Variants in RAP1GAP observed in about 807,000 individuals in gnomAD.
RAP1GAP encodes rap1 GTPase-activating protein 1.
Under a neutral mutation model 87.2 loss-of-function variants are expected in RAP1GAP, and 35 were observed. That is an observed-to-expected ratio of 0.40 (90% CI 0.31 to 0.53). The LOEUF (loss-of-function observed/expected upper bound fraction) is 0.53. Among genes scored for constraint, RAP1GAP ranks in the 20% least tolerant of loss-of-function variants. The probability of loss-of-function intolerance (pLI) is 0.48; values close to 1 mark genes in which losing one functional copy is unlikely to be tolerated. For synonymous variants in RAP1GAP, 375 were observed against 363.9 expected (o/e 1.03, Z -0.35); for missense variants, 734 against 898.9 (o/e 0.82, Z 2.35).
At chr1:21,597,394 C>T (rs1645678992) in intron 24 of RAP1GAP, 130 bp from the exon 25 acceptor site, 1 of 327,900 alleles carries the variant, frequency 3.0e-6, no homozygotes, top group African/African-American at 2.1e-5. Context: ...CCTTGGAATT[C>T]CAGGCTCCAG....
rs2078339392 is a variant in RAP1GAP, at chr1:21,611,592, GC to G, written c.714-12del. The G allele has an allele frequency of 6.2e-7, 1 of 1,613,966 alleles. No individual in the cohort carries two copies. Among genetic ancestry groups the G allele is most frequent in the Non-Finnish European group, 8.5e-7 (1 of 1,179,964 alleles). Reference sequence around the variant, plus strand: ...AGGCCTCCTCGGAACCTGCCCCGGGGCCCCCCAGGCCACGCCTCAGTCTCCA... The same window carrying G: ...AGGCCTCCTCGGAACCTGCCCCGGGGCCCCCAGGCCACGCCTCAGTCTCCA... On this transcript the variant is annotated splice_polypyrimidine_tract_variant and intron_variant, in intron 12 of 24. Coordinates refer to ENST00000374765, the MANE Select transcript of RAP1GAP (RefSeq NM_002885.4).
At chr1:21,607,176 A>C (rs1259021934) in intron 17 of RAP1GAP, among the ~76,000 whole-genome samples, 1 of 152,172 alleles carries the variant, frequency 6.6e-6, no homozygotes, top group Non-Finnish European at 1.5e-5. Flanking sequence ...AGACGGTGGC[A>C]AAAAGGCTAC....
At chr1:21,661,867 A>G (rs1292408951) in intron 1 of RAP1GAP, among the ~76,000 whole-genome samples, 1 of 152,212 alleles carries the variant, frequency 6.6e-6, no homozygotes, top group Non-Finnish European at 1.5e-5. Context: ...AGGCCCCTCC[A>G]AGGGCCCTTC....
chr1:21,665,194 G>A (rs1452450007), intron 1 of RAP1GAP: 1 of 502,104 alleles, frequency 2.0e-6, no homozygotes. Context: ...CAGACTCAGA[G>A]GGAGAGAGGA....
At chr1:21,643,595 A>G (rs1004202873) in intron 2 of RAP1GAP, among the ~76,000 whole-genome samples, 33 of 151,624 alleles carry the variant, frequency 2.2e-4, no homozygotes, top group African/African-American at 7.0e-4. Flanking sequence ...AAAAAAGAAA[A>G]TCCCCTCCTT....
chr1:21,603,195 C>A lies in RAP1GAP; in HGVS notation c.1429-282G>T. On this transcript the variant is annotated intron_variant, in intron 18 of 24. Coordinates refer to ENST00000374765, the MANE Select transcript of RAP1GAP (RefSeq NM_002885.4). The surrounding 1 kb of genome is among the most constrained non-coding windows in gnomAD (Gnocchi z 6.0). Reference sequence around the variant, plus strand: ...TGAGGGGGCTAGGGTGGGAGGAGGCCGAGTCCTCAGAATGGCTACCGCTCC... The same window carrying A: ...TGAGGGGGCTAGGGTGGGAGGAGGCAGAGTCCTCAGAATGGCTACCGCTCC... 4.5e-6 allele frequency: 2 copies of A among 442,276 alleles called. No homozygotes were observed. The highest frequency in any genetic ancestry group is 8.1e-6 in the Non-Finnish European group (2 of 246,490). 27.4% of individuals were successfully genotyped at this position (442,276 alleles called of 1,614,324 possible).
chr1:21,656,528 G>A (rs2096874307), intron 1 of RAP1GAP, among the ~76,000 whole-genome samples: 1 of 150,572 alleles, frequency 6.6e-6, no homozygotes, highest in African/African-American at 2.5e-5. Flanking sequence ...TCCTTACTTT[G>A]CCTGTGGCCT....
At position 21,622,537 on chromosome 1, in the gene RAP1GAP, G is replaced by A. The variant is rs2089100591; in HGVS notation, c.-18-2487C>T. The A allele has an allele frequency of 6.8e-6, 1 of 148,084 alleles. No homozygotes were observed. The highest frequency in any genetic ancestry group is 6.7e-5 in the Admixed American group (1 of 14,822). The allele number at this position is 148,084 out of a possible 1,614,324, so 9.2% of individuals were successfully genotyped here. ...GAGCTCCGCGCTCCCGGCTCCCGGCGGCGGCGCTGCCTGCGATGGGCTCGC... is the reference window on the plus strand; with the variant it reads ...GAGCTCCGCGCTCCCGGCTCCCGGCAGCGGCGCTGCCTGCGATGGGCTCGC... On this transcript the variant is annotated intron_variant, in intron 3 of 24. Coordinates refer to ENST00000374765, the MANE Select transcript of RAP1GAP (RefSeq NM_002885.4). This position sits in a 1 kb window ranked among gnomAD's most constrained non-coding sequence, Gnocchi z 5.7.
At chr1:21,649,333 C>T (rs188265153) in intron 2 of RAP1GAP, among the ~76,000 whole-genome samples, 13 of 151,628 alleles carry the variant, frequency 8.6e-5, no homozygotes, top group Non-Finnish European at 1.5e-4. Context: ...CCCAGCCCAG[C>T]GAGGGGCCAC....
chr1:21,655,815 G>A (rs2096836206), intron 1 of RAP1GAP, among the ~76,000 whole-genome samples: 1 of 152,234 alleles, frequency 6.6e-6, no homozygotes, highest in African/African-American at 2.4e-5. Flanking sequence ...AACTCTGGGT[G>A]TTCCACCTAC....
intron 1 of RAP1GAP, among the ~76,000 whole-genome samples, chr1:21,650,233 C>T (rs1377615162): frequency 6.6e-6 from 1 of 152,040 alleles, no homozygotes; most frequent in Admixed American, 6.5e-5. Context: ...CCCCAAGGCC[C>T]GTAGCCTGCC....
At chr1:21,614,112 G>C in intron 7 of RAP1GAP, 23 bp from the exon 8 acceptor site, 2 of 1,514,778 alleles carry the variant, frequency 1.3e-6, no homozygotes, top group African/African-American at 1.4e-5. Flanking sequence ...GTGGGGGCCA[G>C]GGGAGTGGGT....
intron 1 of RAP1GAP, among the ~76,000 whole-genome samples, chr1:21,658,571 C>T (rs570381023): frequency 6.7e-6 from 1 of 150,222 alleles, no homozygotes; most frequent in Admixed American, 6.6e-5. Flanking sequence ...TCTCAAAAAA[C>T]AAAAACAAAA....
intron 2 of RAP1GAP, among the ~76,000 whole-genome samples, chr1:21,643,135 C>A (rs532651863): frequency 2.0e-5 from 3 of 152,216 alleles, no homozygotes; most frequent in Non-Finnish European, 4.4e-5. Context: ...AAGTCCCCAA[C>A]GCCCAGCACA....
intron 1 of RAP1GAP, among the ~76,000 whole-genome samples, chr1:21,651,231 C>T (rs1201374076): frequency 6.6e-6 from 1 of 152,194 alleles, no homozygotes; most frequent in South Asian, 2.1e-4. Context: ...AGCCAGGATG[C>T]AGGAAGGAGG....
At chr1:21,635,221 C>T (rs895283113) in intron 2 of RAP1GAP, among the ~76,000 whole-genome samples, 4 of 152,184 alleles carry the variant, frequency 2.6e-5, no homozygotes, top group South Asian at 2.1e-4. Flanking sequence ...TCAGCCCATA[C>T]ATGGTATTAC....
At chr1:21,663,984 C>G (rs2097250547) in intron 1 of RAP1GAP, among the ~76,000 whole-genome samples, 1 of 152,242 alleles carries the variant, frequency 6.6e-6, no homozygotes, top group South Asian at 2.1e-4. Flanking sequence ...AGCTTCAACT[C>G]ATGGGAGCTG....
In RAP1GAP at chr1:21,598,395, G is replaced by C. The variant is rs1337266910; in HGVS notation, c.1879+5C>G. The C allele has an allele frequency of 6.2e-7, 1 of 1,609,676 alleles. No homozygotes were observed. The highest frequency in any genetic ancestry group is 2.2e-5 in the East Asian group (1 of 44,858). On this transcript the variant is annotated splice_donor_5th_base_variant and intron_variant, in intron 22 of 24. Transcript: ENST00000374765. ...CTTTGTGGGGAAGCTGCCTTGTCCT[G>C]GTACCTGGGGAGCTGCCCCCACTAG...
At chr1:21,630,266 C>CTT (rs199787255) in intron 2 of RAP1GAP, among the ~76,000 whole-genome samples, 147 of 145,846 alleles carry the variant, frequency 1.0e-3, no homozygotes, top group East Asian at 2.2e-3. Context: ...TTCTTTTTCC[C>CTT]TTTTTTTTTT....
Sources: gnomAD v4.1 joint callset for allele counts (sites outside exome capture counted in the v4.1 genomes callset) on GRCh38, gnomAD v4.1.1 for gene constraint, Gnocchi (gnomAD v3.1) non-coding constraint, MANE v1.5 for transcripts, NCBI Gene and HGNC (gene_info 2026-07-23, HGNC 2026-07-21) for gene names.